The following STXBP5L variants were observed in gnomAD, a reference collection of about 807,000 sequenced individuals.
The protein encoded by STXBP5L is syntaxin binding protein 5L.
In STXBP5L, 65 loss-of-function variants were observed where a neutral mutation model predicts 144.5. The observed-to-expected ratio is 0.45, with a 90% CI of 0.37 to 0.55. The LOEUF (loss-of-function observed/expected upper bound fraction) is 0.55, where lower values mean the gene tolerates loss of function less well. Among genes scored for constraint, STXBP5L ranks in the 20% least tolerant of loss-of-function variants. The pLI, the probability that STXBP5L is intolerant of heterozygous loss-of-function variation, is 0.00. For synonymous variants in STXBP5L, 505 were observed against 469.6 expected (o/e 1.08, Z -0.97); for missense variants, 1,298 against 1,405.5 (o/e 0.92, Z 1.22).
chr3:121,130,592 T>C (rs2044938177), intron 7 of STXBP5L, among the ~76,000 whole-genome samples: 1 of 152,116 alleles, frequency 6.6e-6, no homozygotes, highest in African/African-American at 2.4e-5. Context: ...GTCAGAGGAT[T>C]GGTTGCCATT....
chr3:121,287,643 AC>A (rs1438021875), intron 19 of STXBP5L, among the ~76,000 whole-genome samples: 2 of 152,122 alleles, frequency 1.3e-5, no homozygotes, highest in Non-Finnish European at 1.5e-5. Flanking sequence ...AGCCTGACCA[AC>A]ATGGTGAAAC....
At chr3:120,959,164 G>GC (rs1938430386) in intron 3 of STXBP5L, among the ~76,000 whole-genome samples, 1 of 152,150 alleles carries the variant, frequency 6.6e-6, no homozygotes, top group Admixed American at 6.5e-5. Flanking sequence ...GCTTCAAAGA[G>GC]AATAAAATAC....
rs1459482332 is a variant in STXBP5L, at chr3:120,970,603, G to A, written c.287+15566G>A. Among the ~76,000 whole-genome samples, 3 of 152,024 alleles carry A rather than the reference G, an allele frequency of 2.0e-5. No individual in the cohort carries two copies. In the East Asian group the frequency reaches 5.8e-4, roughly 29 times the overall value. ...TTTCTTTTGTTGCTTTGAGTATCCT[G>A]TCTTTTCATTTCACTGATTATGATA... On this transcript the variant is annotated intron_variant, in intron 3 of 26. Coordinates refer to ENST00000471454, the MANE Select transcript of STXBP5L (RefSeq NM_001308330.2).
intron 10 of STXBP5L, 144 bp from the exon 11 acceptor site, chr3:121,222,859 T>G: frequency 1.4e-6 from 1 of 722,992 alleles, no homozygotes; most frequent in Non-Finnish European, 2.1e-6. Flanking sequence ...GGTTATTGAA[T>G]GAGAAATTTT....
Position 121,153,391 on chromosome 3 carries a change from G to A in STXBP5L, c.753+831G>A, listed in dbSNP as rs527242575. On this transcript the variant is annotated intron_variant, in intron 8 of 26. Coordinates refer to ENST00000471454, the MANE Select transcript of STXBP5L (RefSeq NM_001308330.2). ...TTCAATTTGAAAATGGTGGGAGTAG[G>A]AAGAGATAGGAGGAAAATATATGTC... Among the ~76,000 whole-genome samples, 8 of 152,120 alleles carry A rather than the reference G, an allele frequency of 5.3e-5. No individual in the cohort carries two copies. In the East Asian group the frequency reaches 1.4e-3, roughly 26 times the overall value.
intron 2 of STXBP5L, among the ~76,000 whole-genome samples, chr3:120,946,183 C>A (rs1710848006): frequency 6.6e-6 from 1 of 151,728 alleles, no homozygotes; most frequent in Non-Finnish European, 1.5e-5. Context: ...CTGTAACAGG[C>A]CATAATAACT....
chr3:121,323,657 T>C (rs1007836280), intron 20 of STXBP5L, among the ~76,000 whole-genome samples: 1 of 152,206 alleles, frequency 6.6e-6, no homozygotes, highest in Admixed American at 6.5e-5. Context: ...TCACTGAGGA[T>C]AAACTAATGA....
At chr3:121,154,568 T>G (rs1425688524) in intron 8 of STXBP5L, among the ~76,000 whole-genome samples, 2 of 151,818 alleles carry the variant, frequency 1.3e-5, no homozygotes, top group Non-Finnish European at 3.0e-5. Flanking sequence ...TTATTGATAT[T>G]CTTCAGGATA....
chr3:121,306,876 C>T (rs1455770451), intron 19 of STXBP5L, among the ~76,000 whole-genome samples: 1 of 152,234 alleles, frequency 6.6e-6, no homozygotes, highest in South Asian at 2.1e-4. Context: ...AATAATAGAA[C>T]ATCTGGTGGA....
At chr3:121,021,338 T>C (rs569750423) in intron 3 of STXBP5L, among the ~76,000 whole-genome samples, 7 of 152,126 alleles carry the variant, frequency 4.6e-5, no homozygotes, top group Non-Finnish European at 1.0e-4. Context: ...AATACTCTAC[T>C]GATAGTACTA....
At chr3:121,141,198 G>A (rs943650013) in intron 7 of STXBP5L, among the ~76,000 whole-genome samples, 1 of 152,142 alleles carries the variant, frequency 6.6e-6, no homozygotes, top group East Asian at 1.9e-4. Flanking sequence ...GAGATTGGGA[G>A]TTTGAGACTA....
At chr3:120,987,561 T>C (rs1006800458) in intron 3 of STXBP5L, among the ~76,000 whole-genome samples, 1 of 151,912 alleles carries the variant, frequency 6.6e-6, no homozygotes, top group Admixed American at 6.6e-5. Flanking sequence ...TTTCATTTCT[T>C]AACTTGTATT....
chr3:121,227,878 T>C (rs1427267905), intron 11 of STXBP5L, among the ~76,000 whole-genome samples: 1 of 151,882 alleles, frequency 6.6e-6, no homozygotes, highest in Non-Finnish European at 1.5e-5. Flanking sequence ...ATTCATAATT[T>C]GACAGCACTT....
At chr3:121,072,098 C>T (rs2041834752) in intron 5 of STXBP5L, among the ~76,000 whole-genome samples, 1 of 152,314 alleles carries the variant, frequency 6.6e-6, no homozygotes, top group Middle Eastern at 3.4e-3. Flanking sequence ...GTCACAAATG[C>T]TGGGCCATTG....
chr3:121,029,102 G>A (rs954390017), intron 3 of STXBP5L, among the ~76,000 whole-genome samples: 16 of 152,072 alleles, frequency 1.1e-4, no homozygotes, highest in Non-Finnish European at 1.5e-5. Flanking sequence ...TGGCCATACT[G>A]ACCAAAGTAA....
intron 19 of STXBP5L, among the ~76,000 whole-genome samples, chr3:121,282,529 T>C (rs2051095608): frequency 6.6e-6 from 1 of 152,044 alleles, no homozygotes; most frequent in African/African-American, 2.4e-5. Flanking sequence ...ATTTTTGTCC[T>C]GTACCCATTC....
At chr3:121,324,498 G>T (rs895119219) in intron 20 of STXBP5L, 1 of 694,292 alleles carries the variant, frequency 1.4e-6, no homozygotes, top group African/African-American at 1.8e-5. Context: ...TTTAGGACTT[G>T]CTACCAGAAC....
rs77325746 is a variant in STXBP5L, at chr3:121,133,885, T to C, written c.669+12181T>C. 7.8e-3 allele frequency among the ~76,000 whole-genome samples: 1,194 copies of C among 152,156 alleles called. 12 individuals are homozygous for C. The highest frequency in any genetic ancestry group is 0.028 in the African/African-American group (1,152 of 41,508). On this transcript the variant is annotated intron_variant, in intron 7 of 26. Coordinates refer to ENST00000471454, the MANE Select transcript of STXBP5L (RefSeq NM_001308330.2). ...GGGGAAATGCCCCACTTTAAAACCATCAGATCTCATGAGAACTCCCTCATT... is the reference window on the plus strand; with the variant it reads ...GGGGAAATGCCCCACTTTAAAACCACCAGATCTCATGAGAACTCCCTCATT...
chr3:121,313,921 G>C (rs2043671066), intron 19 of STXBP5L, among the ~76,000 whole-genome samples: 1 of 148,408 alleles, frequency 6.7e-6, no homozygotes, highest in Non-Finnish European at 1.5e-5. Context: ...CCCAGACAGG[G>C]TTGCGGCCCA....
Sources: allele counts gnomAD v4.1 joint callset (sites outside exome capture counted in the v4.1 genomes callset), GRCh38; gene constraint gnomAD v4.1.1; transcripts MANE v1.5; gene names NCBI Gene and HGNC (gene_info 2026-07-23, HGNC 2026-07-21).